Variants in CRAMP1 observed in about 807,000 individuals in gnomAD.
CRAMP1 encodes the protein protein cramped-like.
CRAMP1 carries 50 observed loss-of-function variants against 115.4 expected under a neutral mutation model. That is an observed-to-expected ratio of 0.43 (90% CI 0.35 to 0.55). The LOEUF is 0.55. Among genes scored for constraint, CRAMP1 ranks in the 20% least tolerant of loss-of-function variants. The probability of loss-of-function intolerance (pLI) is 0.01; values close to 1 mark genes in which losing one functional copy is unlikely to be tolerated. For missense variants in CRAMP1, 1,679 were observed against 1,721.7 expected (o/e 0.98, Z 0.44); for synonymous variants, 866 against 745.4 (o/e 1.16, Z -2.64).
chr16:1,662,741 CG>C lies in CRAMP1; in HGVS notation c.2596-18del. 1 of 1,613,690 alleles carries C rather than the reference CG, an allele frequency of 6.2e-7. No homozygotes were observed. The highest frequency in any genetic ancestry group is 8.5e-7 in the Non-Finnish European group (1 of 1,179,802). Reference sequence around the variant, plus strand: ...GTCTGGAGAGTGCACCTTCAGGTGCCGGACGCTGCTCCCTTACAGATGCAGT... The same window carrying C: ...GTCTGGAGAGTGCACCTTCAGGTGCCGACGCTGCTCCCTTACAGATGCAGT... On this transcript the variant is annotated intron_variant, in intron 12 of 20. Coordinates refer to ENST00000397412, the MANE Select transcript of CRAMP1 (RefSeq NM_020825.4).
chr16:1,668,030 G>A lies in CRAMP1; in HGVS notation c.3171G>A (p.Leu1057=), dbSNP rs1489186253. Residue 1057 remains leucine (L), a synonymous_variant, in exon 18 of 21, where the codon CTG becomes CTA. Coordinates refer to ENST00000397412, the MANE Select transcript of CRAMP1 (RefSeq NM_020825.4). ...TCCAGAATGGCCTCTCCATACCGCT[G>A]TCCTCGTCAGAGAGCTCCAGCACCC... ...APLQNGLSIP[L]SSSESSSTRL... The A allele has an allele frequency of 1.2e-6, 2 of 1,613,730 alleles. No homozygotes were observed. The highest frequency in any genetic ancestry group is 1.7e-6 in the Non-Finnish European group (2 of 1,179,874).
At chr16:1,625,871 TG>T in intron 2 of CRAMP1, 101 bp from the exon 3 acceptor site, 1 of 1,170,964 alleles carries the variant, frequency 8.5e-7, no homozygotes, top group Non-Finnish European at 1.2e-6. Context: ...GAGTGTGGAG[TG>T]GGACCTCAGG....
intron 3 of CRAMP1, among the ~76,000 whole-genome samples, chr16:1,629,623 AGAC>A (rs762969590): frequency 3.3e-4 from 50 of 152,226 alleles, no homozygotes; most frequent in Middle Eastern, 6.8e-3. Flanking sequence ...CCTCTTGAGT[AGAC>A]GACCCCGCAG....
intron 3 of CRAMP1, among the ~76,000 whole-genome samples, chr16:1,630,529 C>T (rs2036540921): frequency 6.6e-6 from 1 of 152,222 alleles, no homozygotes; most frequent in Non-Finnish European, 1.5e-5. Flanking sequence ...CTCCACCCTG[C>T]CTCCACAGCA....
chr16:1,622,243 T>G (rs1256253502), intron 2 of CRAMP1, among the ~76,000 whole-genome samples: 6 of 152,244 alleles, frequency 3.9e-5, no homozygotes, highest in Non-Finnish European at 8.8e-5. Context: ...CCGGGCGCAG[T>G]GGCCCATGCC....
chr16:1,638,578 C>G (rs373015274), intron 5 of CRAMP1, among the ~76,000 whole-genome samples: 3 of 152,212 alleles, frequency 2.0e-5, no homozygotes, highest in African/African-American at 7.2e-5. Context: ...TGTAGACTTA[C>G]CAGGCGCTTG....
intron 1 of CRAMP1, among the ~76,000 whole-genome samples, chr16:1,612,923 G>A (rs1012491828): frequency 6.6e-6 from 1 of 152,098 alleles, no homozygotes; most frequent in Non-Finnish European, 1.5e-5. Flanking sequence ...CTGCTTGTTG[G>A]CCCTTAGGGT....
chr16:1,632,582 G>A (rs2036555913), intron 4 of CRAMP1, among the ~76,000 whole-genome samples: 1 of 152,268 alleles, frequency 6.6e-6, no homozygotes, highest in Admixed American at 6.5e-5. Flanking sequence ...CCATGCTCCA[G>A]GGTTCTTACC....
chr16:1,668,686 A>G (rs1033404609), intron 18 of CRAMP1, among the ~76,000 whole-genome samples: 4 of 152,148 alleles, frequency 2.6e-5, no homozygotes, highest in African/African-American at 9.7e-5. Flanking sequence ...GCAGCTCACC[A>G]CCTTGCTGAG....
At chr16:1,657,277 A>G (rs962099006) in intron 10 of CRAMP1, among the ~76,000 whole-genome samples, 1 of 152,230 alleles carries the variant, frequency 6.6e-6, no homozygotes, top group African/African-American at 2.4e-5. Flanking sequence ...CGGTTCCAGA[A>G]GTGCAGTGAT....
intron 7 of CRAMP1, 65 bp from the exon 8 acceptor site, chr16:1,652,968 C>G: frequency 6.3e-7 from 1 of 1,593,964 alleles, no homozygotes; most frequent in Non-Finnish European, 8.6e-7. Flanking sequence ...TTTTCTGGCC[C>G]AGCCCTTGGT....
At chr16:1,654,940 C>T (rs2036756894) in intron 8 of CRAMP1, among the ~76,000 whole-genome samples, 1 of 152,266 alleles carries the variant, frequency 6.6e-6, no homozygotes, top group African/African-American at 2.4e-5. Context: ...GCGCCAGCAC[C>T]CACGCCCACG....
chr16:1,649,991 GTCATAT>G (rs1161798033), intron 6 of CRAMP1, among the ~76,000 whole-genome samples: 1 of 151,630 alleles, frequency 6.6e-6, no homozygotes, highest in Non-Finnish European at 1.5e-5. Context: ...ACAGGGTTTC[GTCATAT>G]TGGTCAGGCT....
intron 5 of CRAMP1, among the ~76,000 whole-genome samples, chr16:1,638,815 G>A (rs2036609537): frequency 6.6e-6 from 1 of 151,912 alleles, no homozygotes; most frequent in Admixed American, 6.6e-5. Flanking sequence ...TCCCCTTGCT[G>A]CCCCTCCATG....
chr16:1,642,662 G>A (rs990565672), intron 6 of CRAMP1, among the ~76,000 whole-genome samples: 1 of 152,242 alleles, frequency 6.6e-6, no homozygotes, highest in Non-Finnish European at 1.5e-5. Context: ...TCTTGAGAAG[G>A]CCCAAGATCC....
At chr16:1,619,549 GTAGTT>G (rs911438361) in intron 2 of CRAMP1, among the ~76,000 whole-genome samples, 3 of 152,168 alleles carry the variant, frequency 2.0e-5, no homozygotes, top group African/African-American at 7.2e-5. Flanking sequence ...CCAGGAGTTT[GTAGTT>G]TAGTTGGGAT....
At position 1,662,518 on chromosome 16, in the gene CRAMP1, G is replaced by C. The variant is rs2036841168; in HGVS notation, c.2442G>C (p.Leu814Phe). Residue 814 changes from leucine (L) to phenylalanine (F), a missense_variant, in exon 12 of 21, where the codon TTG (leucine) becomes TTC (phenylalanine). Transcript: ENST00000397412. ...SGLRNPPRPLLVPGPSSTGSN... is the reference protein window; with the variant it reads ...SGLRNPPRPLFVPGPSSTGSN... ...TGAGAAACCCTCCAAGACCCCTCTT[G>C]GTGCCTGGTCCCTCCAGCACAGGAA... 1 of 1,613,902 alleles carries C rather than the reference G, an allele frequency of 6.2e-7. No individual in the cohort carries two copies. Among genetic ancestry groups the C allele is most frequent in the Non-Finnish European group, 8.5e-7 (1 of 1,179,852 alleles).
Position 1,672,002 on chromosome 16 carries a change from G to A in CRAMP1, c.3645+1193G>A, listed in dbSNP as rs141065111. Among the ~76,000 whole-genome samples, 8 of 152,336 alleles carry A rather than the reference G, an allele frequency of 5.3e-5. No homozygotes were observed. Among genetic ancestry groups the A allele is most frequent in the East Asian group, 3.9e-4 (2 of 5,186 alleles). On this transcript the variant is annotated intron_variant, in intron 20 of 20. Transcript: ENST00000397412. This position sits in a 1 kb window ranked among gnomAD's most constrained non-coding sequence, Gnocchi z 4.9. Reference sequence around the variant, plus strand: ...CACACCTTGGACTCTGATGTTTCCCGAGAAGCCAGTCTCTGTCTCTTCCCC... The same window carrying A: ...CACACCTTGGACTCTGATGTTTCCCAAGAAGCCAGTCTCTGTCTCTTCCCC...
chr16:1,656,468 C>G lies in CRAMP1; in HGVS notation c.1711C>G (p.Leu571Val), dbSNP rs1179886531. The G allele has an allele frequency of 1.3e-6, 2 of 1,581,192 alleles. No homozygotes were observed. Among genetic ancestry groups the G allele is most frequent in the Admixed American group, 1.8e-5 (1 of 55,552 alleles). ...LPRYLKSCQD[L>V]IVPEQCRCAD... is the part of the protein sequence containing the mutation. ...CCGCTACCTAAAGTCCTGTCAGGAC[C>G]TCATTGTCCCCGAGCAGTGCCGCTG... Residue 571 changes from leucine to valine, a missense_variant, in exon 10 of 21, where the codon CTC becomes GTC. Physicochemically the swap from Leu to Val is conservative, Grantham distance 32. Transcript: ENST00000397412. The surrounding 1 kb of genome is among the most constrained non-coding windows in gnomAD (Gnocchi z 5.6).
Sources: allele counts gnomAD v4.1 joint callset (sites outside exome capture counted in the v4.1 genomes callset), GRCh38; gene constraint gnomAD v4.1.1; non-coding constraint Gnocchi (gnomAD v3.1); transcripts MANE v1.5; gene names NCBI Gene and HGNC (gene_info 2026-07-23, HGNC 2026-07-21).